Variants in NUMB observed in about 807,000 individuals in gnomAD.
The protein encoded by NUMB is NUMB endocytic adaptor protein, also known as protein numb homolog.
Under a neutral mutation model 59.7 loss-of-function variants are expected in NUMB, and 29 were observed. The ratio of observed to expected loss-of-function variants is 0.49; its 90% confidence interval spans 0.36 to 0.66. The LOEUF is 0.66. Among genes scored for constraint, NUMB ranks in the 30% least tolerant of loss-of-function variants. NUMB has a pLI of 0.00. For synonymous variants in NUMB, 288 were observed against 288.2 expected, an observed-to-expected ratio of 1.00 and a Z score of 0.01; for missense variants, 723 against 822.0, an observed-to-expected ratio of 0.88 and a Z score of 1.47.
At chr14:73,449,912 T>C (rs1309161661) in intron 1 of NUMB, among the ~76,000 whole-genome samples, 1 of 152,214 alleles carries the variant, frequency 6.6e-6, no homozygotes, top group African/African-American at 2.4e-5. Context: ...GGTCTCGAAC[T>C]CCTGACCTCA....
At chr14:73,403,051 C>T (rs76070036) in intron 2 of NUMB, among the ~76,000 whole-genome samples, 3,127 of 152,224 alleles carry the variant, frequency 0.021, 104 homozygotes, top group African/African-American at 0.071. Context: ...GGCCAAAAGA[C>T]GAAAACAGCT....
chr14:73,291,614 G>T (rs1249228720), intron 8 of NUMB, among the ~76,000 whole-genome samples: 1 of 151,996 alleles, frequency 6.6e-6, no homozygotes, highest in African/African-American at 2.4e-5. Flanking sequence ...TTGACCTCAG[G>T]TGATCTGCCT....
intron 1 of NUMB, among the ~76,000 whole-genome samples, chr14:73,446,669 T>C (rs1883534984): frequency 6.6e-6 from 1 of 151,014 alleles, no homozygotes; most frequent in African/African-American, 2.4e-5. Flanking sequence ...AAAACTAGTC[T>C]AGAGCATTTT....
intron 2 of NUMB, among the ~76,000 whole-genome samples, chr14:73,367,346 TATAG>T (rs1367210620): frequency 0.03 from 2,746 of 91,164 alleles, 37 homozygotes; most frequent in South Asian, 0.045. Context: ...TATATATATA[TATAG>T]AGAGAGAGAG....
intron 1 of NUMB, among the ~76,000 whole-genome samples, chr14:73,432,650 A>C (rs1402543844): frequency 6.6e-6 from 1 of 152,142 alleles, no homozygotes; most frequent in Admixed American, 6.6e-5. Context: ...CATTCAATAC[A>C]TATATAAAGA....
chr14:73,378,119 A>T (rs1895059236), intron 2 of NUMB, among the ~76,000 whole-genome samples: 1 of 152,196 alleles, frequency 6.6e-6, no homozygotes, highest in African/African-American at 2.4e-5. Flanking sequence ...TATTTCACTA[A>T]AGAAGAAATA....
chr14:73,372,313 A>ATATATATATATATATATATATAATCTTT (rs1566766427), intron 2 of NUMB, among the ~76,000 whole-genome samples: 1 of 98,704 alleles, frequency 1.0e-5, no homozygotes, highest in African/African-American at 4.3e-5. Flanking sequence ...TTTTATATAT[A>ATATATATATATATATATATATAATCTTT]TATATATATA....
At chr14:73,379,894 C>T (rs1041054779) in intron 2 of NUMB, among the ~76,000 whole-genome samples, 1 of 152,114 alleles carries the variant, frequency 6.6e-6, no homozygotes, top group Admixed American at 6.5e-5. Flanking sequence ...GGCTTCTGTT[C>T]CTAATAAGGT....
intron 1 of NUMB, among the ~76,000 whole-genome samples, chr14:73,428,901 T>C (rs960376798): frequency 1.3e-5 from 2 of 152,202 alleles, no homozygotes; most frequent in African/African-American, 4.8e-5. Flanking sequence ...GAACTTTAAT[T>C]GGAGAGGTGT....
chr14:73,359,226 A>G (rs1482263946), intron 3 of NUMB, among the ~76,000 whole-genome samples: 5 of 152,192 alleles, frequency 3.3e-5, no homozygotes, highest in Non-Finnish European at 7.3e-5. Flanking sequence ...CTAGCCTGTA[A>G]TTCTACCTAC....
Position 73,413,317 on chromosome 14 carries a change from C to G in NUMB, c.-232-3249G>C, listed in dbSNP as rs1464016811. Among the ~76,000 whole-genome samples, 3 of 150,870 alleles carry G rather than the reference C, an allele frequency of 2.0e-5. No individual in the cohort carries two copies. In the East Asian group the frequency reaches 6.0e-4, roughly 30 times the overall value. ...GGCCAGGCTGGTCTTTAACTTCTGACCTCGTGATCCACCCGCCTCGGCCTT... is the reference window on the plus strand; with the variant it reads ...GGCCAGGCTGGTCTTTAACTTCTGAGCTCGTGATCCACCCGCCTCGGCCTT... On this transcript the variant is annotated intron_variant, in intron 1 of 12. Transcript: ENST00000555238.
In NUMB at chr14:73,364,922, G is replaced by C. The variant is rs903915670; in HGVS notation, c.-16+1975C>G. The stretch of plus-strand genomic sequence containing the variant: ...ACTTGCACTGAATACTGTACTGAAA[G>C]TCCTAAATAACATAGTTAAGGCAAG... On this transcript the variant is annotated intron_variant, in intron 3 of 12. Transcript: ENST00000555238. 2.6e-4 allele frequency among the ~76,000 whole-genome samples: 40 copies of C among 152,088 alleles called. 1 individual carries two copies. The highest frequency in any genetic ancestry group is 2.6e-3 in the Admixed American group (40 of 15,262).
chr14:73,282,176 A>G (rs899453055), intron 11 of NUMB, 183 bp downstream of exon 11: 2 of 528,396 alleles, frequency 3.8e-6, no homozygotes, highest in African/African-American at 3.9e-5. Flanking sequence ...ACATCTTAGA[A>G]AACAGGAAGG....
chr14:73,391,995 C>T (rs1052281215), intron 2 of NUMB, among the ~76,000 whole-genome samples: 8 of 152,106 alleles, frequency 5.3e-5, no homozygotes, highest in African/African-American at 1.9e-4. Flanking sequence ...ACTAAATCAC[C>T]CAAGCCAGTC....
chr14:73,401,052 T>C (rs74395326), intron 2 of NUMB, among the ~76,000 whole-genome samples: 1,928 of 152,264 alleles, frequency 0.013, 23 homozygotes, highest in Middle Eastern at 0.054. Flanking sequence ...GCAATTTAAG[T>C]AGGGGATTGA....
intron 8 of NUMB, 107 bp downstream of exon 8, chr14:73,292,627 C>A (rs1889472965): frequency 3.6e-6 from 4 of 1,109,648 alleles, no homozygotes; most frequent in Non-Finnish European, 5.1e-6. Context: ...TTAGGCACTT[C>A]CAAGTACTTG....
chr14:73,390,252 A>C (rs545737380), intron 2 of NUMB, among the ~76,000 whole-genome samples: 1 of 152,332 alleles, frequency 6.6e-6, no homozygotes, highest in South Asian at 2.1e-4. Context: ...ACGGCATACA[A>C]TGTGACTTTT....
intron 3 of NUMB, among the ~76,000 whole-genome samples, chr14:73,356,019 T>TTAG (rs970363607): frequency 7.5e-6 from 1 of 133,816 alleles, no homozygotes; most frequent in Non-Finnish European, 1.6e-5. Flanking sequence ...CTAGTCCTTG[T>TTAG]AAGAACAATA....
In NUMB at chr14:73,396,648, G is replaced by A. The variant is rs146807943; in HGVS notation, c.-101+13289C>T. Among the ~76,000 whole-genome samples the A allele has an allele frequency of 4.1e-3, 620 of 152,172 alleles. 11 individuals are homozygous for A. Among genetic ancestry groups the A allele is most frequent in the East Asian group, 0.037 (190 of 5,182 alleles). ...GCCTCTCAAAGTGCTGGGATTACAGGTGTGAGCCACCAGCCTTTTTAGAAT... is the reference window on the plus strand; with the variant it reads ...GCCTCTCAAAGTGCTGGGATTACAGATGTGAGCCACCAGCCTTTTTAGAAT... On this transcript the variant is annotated intron_variant, in intron 2 of 12. Transcript: ENST00000555238.
Sources: allele counts gnomAD v4.1 joint callset (sites outside exome capture counted in the v4.1 genomes callset), GRCh38; gene constraint gnomAD v4.1.1; transcripts MANE v1.5; gene names NCBI Gene and HGNC (gene_info 2026-07-23, HGNC 2026-07-21).